The following RHBDD3 variants were observed in gnomAD, a reference collection of about 807,000 sequenced individuals.
RHBDD3 encodes rhomboid domain-containing protein 3.
A neutral mutation model predicts 32.3 loss-of-function variants in RHBDD3; 34 were observed. That is an observed-to-expected ratio of 1.05 (90% CI 0.80 to 1.40). The LOEUF (loss-of-function observed/expected upper bound fraction) is 1.40, where lower values mean the gene tolerates loss of function less well. Among genes scored for constraint, RHBDD3 ranks in the 40% most tolerant of loss-of-function variants. The pLI is 0.00. For missense variants in RHBDD3, 482 were observed against 492.6 expected (o/e 0.98, Z 0.20); for synonymous variants, 249 against 239.1 (o/e 1.04, Z -0.38).
At chr22:29,266,126 G>A (rs2058173687) in intron 2 of RHBDD3, among the ~76,000 whole-genome samples, 1 of 152,184 alleles carries the variant, frequency 6.6e-6, no homozygotes, top group Non-Finnish European at 1.5e-5. Flanking sequence ...AGGGTAAGGG[G>A]TAGGGCAGAT....
At chr22:29,267,721 C>A (rs1232325345) in intron 1 of RHBDD3, 27 bp downstream of exon 1, 20 of 165,798 alleles carry the variant, frequency 1.2e-4, no homozygotes, top group Admixed American at 3.8e-4. Context: ...TCCCCGCTGG[C>A]CCGGGCCACG....
chr22:29,265,512 G>C lies in RHBDD3; in HGVS notation c.115C>G (p.Leu39Val). The change falls in exon 3 of 7, where the codon CTG becomes GTG. Residue 39 changes from leucine (L) to valine (V), a missense_variant. Leu to Val is a conservative substitution (Grantham distance 32, BLOSUM62 1). Transcript: ENST00000216085. ...WLVGAGPGLV[L>V]APELLLDPWQ... ...GGGTCCAGCAACAGCTCCGGGGCCA[G>C]GACCAGGCCGGGGCCGGCCCCCACC... The C allele has an allele frequency of 6.4e-7, 1 of 1,560,984 alleles. No homozygotes were observed. The highest frequency in any genetic ancestry group is 8.6e-7 in the Non-Finnish European group (1 of 1,160,576).
chr22:29,260,076 C>A lies in RHBDD3; in HGVS notation c.1145G>T (p.Gly382Val). Residue 382 changes from glycine (G) to valine (V), a missense_variant, in exon 7 of 7, where the codon GGT becomes GTT. Gly to Val is a moderately radical substitution (Grantham distance 109, BLOSUM62 -3). Transcript: ENST00000216085. ...CTGCCTGGGCTAGGGAGGCCCAGGA[C>A]CCTCGGAGTGGGCAGGCCCACCCTT... ...HGKGGPAHSEGPGPP is the reference protein window; with the variant it reads ...HGKGGPAHSEVPGPP The A allele has an allele frequency of 6.4e-7, 1 of 1,565,614 alleles. No homozygotes were observed. The highest frequency in any genetic ancestry group is 8.7e-7 in the Non-Finnish European group (1 of 1,155,482).
chr22:29,267,027 C>T (rs1039368543), intron 2 of RHBDD3, among the ~76,000 whole-genome samples: 1 of 152,230 alleles, frequency 6.6e-6, no homozygotes, highest in Non-Finnish European at 1.5e-5. Context: ...GCTCATGGCT[C>T]CTCTGATCCA....
Position 29,267,916 on chromosome 22 carries a change from T to G in RHBDD3, c.-363A>C. The stretch of plus-strand genomic sequence containing the variant: ...CCACCCATTCCCCGCGGCCCGCGGA[T>G]TAGTCAGCAGTTGTTCTAGTCCGGG... On this transcript the variant is annotated 5_prime_UTR_variant, in exon 1 of 7. Transcript: ENST00000216085. The G allele has an allele frequency of 2.7e-4, 60 of 222,956 alleles. No individual in the cohort carries two copies. Among genetic ancestry groups the G allele is most frequent in the Non-Finnish European group, 4.0e-4 (44 of 110,836 alleles). The allele number at this position is 222,956 out of a possible 1,614,324, so 13.8% of individuals were successfully genotyped here. A position where few individuals can be genotyped will look rare whatever the true frequency, so the allele number is the denominator to read the frequency against.
Position 29,260,522 on chromosome 22 carries a change from C to G in RHBDD3, c.787G>C (p.Val263Leu), listed in dbSNP as rs776634857. 6 of 1,597,370 alleles carry G rather than the reference C, an allele frequency of 3.8e-6. No individual in the cohort carries two copies. The African/African-American group carries it at 5.3e-5, about 14-fold the overall frequency. Residue 263 changes from valine (V) to leucine (L), a missense_variant, in exon 6 of 7, where the codon GTG becomes CTG. Val to Leu is a conservative substitution (Grantham distance 32). Transcript: ENST00000216085. ...GAGGAGCCCTCCCAGGTGGGCTGCACAGGCCTCAGGCTTGGTGGGGGCAGG... is the reference window on the plus strand; with the variant it reads ...GAGGAGCCCTCCCAGGTGGGCTGCAGAGGCCTCAGGCTTGGTGGGGGCAGG... ...SALPPPSLRP[V>L]QPTWEGSSEA...
In RHBDD3 at chr22:29,265,558, C is replaced by A; in HGVS notation, c.69G>T (p.Leu23=). 1 of 1,588,592 alleles carries A rather than the reference C, an allele frequency of 6.3e-7. No homozygotes were observed. The highest frequency in any genetic ancestry group is 1.1e-5 in the South Asian group (1 of 87,784). ...ALPLASSVLM[L]LMSTLWLVGA... ...CCACCAGCCACAGGGTGCTCATCAG[C>A]AGCATCAGGACTGAGGAGGCCAGAG... The change falls in exon 3 of 7, where the codon CTG becomes CTT. Residue 23 remains leucine (L), a synonymous_variant. Transcript: ENST00000216085.
At chr22:29,261,378 CT>C in intron 4 of RHBDD3, 1 of 461,918 alleles carries the variant, frequency 2.2e-6, no homozygotes, top group South Asian at 1.5e-5. Flanking sequence ...GGGAGGATCA[CT>C]TGAGGCCAGG....
intron 4 of RHBDD3, 176 bp from the exon 5 acceptor site, chr22:29,261,040 A>G (rs537468133): frequency 1.4e-6 from 1 of 694,234 alleles, no homozygotes; most frequent in Non-Finnish European, 2.4e-6. Flanking sequence ...TCAGAAAGGA[A>G]AAGGGATCTG....
rs1337274013 is a variant in RHBDD3 at position 29,260,004 on chromosome 22, A to C, written c.*56T>G. The C allele has an allele frequency of 2.6e-6, 4 of 1,510,868 alleles. No homozygotes were observed. Among genetic ancestry groups the C allele is most frequent in the Non-Finnish European group, 3.6e-6 (4 of 1,120,744 alleles). The allele number at this position is 1,510,868 out of a possible 1,614,324, so 93.6% of individuals were successfully genotyped here. A position where few individuals can be genotyped will look rare whatever the true frequency, so the allele number is the denominator to read the frequency against. On this transcript the variant is annotated 3_prime_UTR_variant, in exon 7 of 7. Transcript: ENST00000216085. ...CAGAGTAGGAGCTCGGGCTACCCAC[A>C]TGCAGCCCAGCCCTTAGCACCCAAG...
chr22:29,264,092 G>A lies in RHBDD3; in HGVS notation c.275C>T (p.Ala92Val), dbSNP rs766851821. 1 of 1,586,078 alleles carries A rather than the reference G, an allele frequency of 6.3e-7. No individual in the cohort carries two copies. Among genetic ancestry groups the A allele is most frequent in the Non-Finnish European group, 8.6e-7 (1 of 1,167,530 alleles). ...AGAAGCCAGGGCGAGCAGGGCTGAG[G>A]CATGCAGGAATCTCAGCGTGCCCAG... Reference protein sequence around the residue: ...CHLGTLRFLHASALLALASGL... With the variant: ...CHLGTLRFLHVSALLALASGL... Residue 92 changes from alanine (A) to valine (V), a missense_variant, in exon 4 of 7, where the codon GCC (alanine) becomes GTC (valine). Ala to Val is a moderately conservative substitution (Grantham distance 64, BLOSUM62 0). Transcript: ENST00000216085.
At chr22:29,262,305 AT>A (rs1367445731) in intron 4 of RHBDD3, among the ~76,000 whole-genome samples, 6 of 151,674 alleles carry the variant, frequency 4.0e-5, no homozygotes, top group Non-Finnish European at 8.8e-5. Context: ...CACCTGGCTA[AT>A]TTTTGTATTT....
intron 4 of RHBDD3, chr22:29,261,509 G>C (rs1469109909): frequency 8.2e-6 from 3 of 364,164 alleles, no homozygotes; most frequent in South Asian, 4.0e-5. Context: ...CAAGAGGATC[G>C]CTTGAGCCCA....
chr22:29,267,725 G>C lies in RHBDD3; in HGVS notation c.-195+23C>G, dbSNP rs767293313. On this transcript the variant is annotated intron_variant, in intron 1 of 6. Coordinates refer to ENST00000216085, the MANE Select transcript of RHBDD3 (RefSeq NM_012265.3). ...TTGGGGACCCTTCCCCGCTGGCCCG[G>C]GCCACGCGTCCCGGGTACTCACTGC... 122 of 166,440 alleles carry C rather than the reference G, an allele frequency of 7.3e-4. 1 individual carries two copies. The highest frequency in any genetic ancestry group is 3.7e-3 in the Admixed American group (58 of 15,670). 10.3% of individuals were successfully genotyped at this position (166,440 alleles called of 1,614,324 possible). A position where few individuals can be genotyped will look rare whatever the true frequency, so the allele number is the denominator to read the frequency against.
chr22:29,261,843 G>C (rs1334515381), intron 4 of RHBDD3: 1 of 157,450 alleles, frequency 6.4e-6, no homozygotes, highest in African/African-American at 2.4e-5. Flanking sequence ...TCTTAGTACA[G>C]GGTTTCACCA....
intron 2 of RHBDD3, among the ~76,000 whole-genome samples, chr22:29,265,905 T>A (rs936486412): frequency 6.6e-6 from 1 of 151,996 alleles, no homozygotes; most frequent in African/African-American, 2.4e-5. Context: ...GACTTCTGAG[T>A]CCTGATAGGC....
rs763430621 is a variant in RHBDD3, at chr22:29,265,526, C to A, written c.101G>T (p.Gly34Val). 2.5e-6 allele frequency: 4 copies of A among 1,578,506 alleles called. No individual in the cohort carries two copies. Among genetic ancestry groups the A allele is most frequent in the Non-Finnish European group, 3.4e-6 (4 of 1,167,058 alleles). The stretch of plus-strand genomic sequence containing the variant: ...CTCCGGGGCCAGGACCAGGCCGGGG[C>A]CGGCCCCCACCAGCCACAGGGTGCT... ...LMSTLWLVGA[G>V]PGLVLAPELL... The change falls in exon 3 of 7, where the codon GGC becomes GTC. Residue 34 changes from glycine (G) to valine (V), a missense_variant. By Grantham distance (109) the Gly-to-Val change is moderately radical. Coordinates refer to ENST00000216085, the MANE Select transcript of RHBDD3 (RefSeq NM_012265.3).
Position 29,264,091 on chromosome 22 carries a change from G to A in RHBDD3, c.276C>T (p.Ala92=), listed in dbSNP as rs377567146. ...CHLGTLRFLH[A]SALLALASGL... is the part of the protein sequence containing the mutation. ...CAGAAGCCAGGGCGAGCAGGGCTGA[G>A]GCATGCAGGAATCTCAGCGTGCCCA... is the stretch of plus-strand genomic sequence containing the variant. Residue 92 remains alanine (A), a synonymous_variant, in exon 4 of 7, where the codon GCC becomes GCT. Transcript: ENST00000216085. 90 of 1,585,958 alleles carry A rather than the reference G, an allele frequency of 5.7e-5. No homozygotes were observed. The African/African-American group carries it at 1.1e-3, about 20-fold the overall frequency.
intron 3 of RHBDD3, 53 bp downstream of exon 3, chr22:29,265,426 G>A: frequency 7.0e-7 from 1 of 1,437,728 alleles, no homozygotes; most frequent in Non-Finnish European, 9.2e-7. Context: ...AGTGGGCCCA[G>A]GCCCTACAGC....
Sources: allele counts gnomAD v4.1 joint callset (sites outside exome capture counted in the v4.1 genomes callset), GRCh38; gene constraint gnomAD v4.1.1; transcripts MANE v1.5; gene names NCBI Gene and HGNC (gene_info 2026-07-23, HGNC 2026-07-21).